Variants in RCOR3 observed in about 807,000 individuals in gnomAD.
RCOR3 encodes REST corepressor 3.
A neutral mutation model predicts 64.1 loss-of-function variants in RCOR3; 13 were observed. That is an observed-to-expected ratio of 0.20 (90% CI 0.13 to 0.32). The LOEUF (loss-of-function observed/expected upper bound fraction) is 0.32, where lower values mean the gene tolerates loss of function less well. RCOR3 is among the 10% of genes least tolerant of loss of function. RCOR3 has a pLI of 1.00. For missense variants in RCOR3, 489 were observed against 701.2 expected (o/e 0.70, Z 3.42); for synonymous variants, 215 against 239.0 (o/e 0.90, Z 0.93).
chr1:211,306,112 CTATA>C (rs547887523), intron 10 of RCOR3, among the ~76,000 whole-genome samples: 334 of 152,054 alleles, frequency 2.2e-3, no homozygotes, highest in African/African-American at 7.7e-3. Flanking sequence ...TAAAATAAAA[CTATA>C]TAAGGCTATT....
intron 7 of RCOR3, among the ~76,000 whole-genome samples, chr1:211,284,064 A>T (rs535110053): frequency 3.2e-4 from 48 of 150,754 alleles, no homozygotes; most frequent in African/African-American, 6.6e-4. Flanking sequence ...TTATTTATTT[A>T]TTTTTTTGAG....
At chr1:211,272,656 C>G (rs1696390522) in intron 3 of RCOR3, among the ~76,000 whole-genome samples, 1 of 105,086 alleles carries the variant, frequency 9.5e-6, no homozygotes, top group Non-Finnish European at 1.8e-5. Flanking sequence ...GAGTCTCGCT[C>G]TGTCGCCCAG....
chr1:211,270,857 CTT>C (rs1420971089), intron 2 of RCOR3, among the ~76,000 whole-genome samples: 9 of 141,978 alleles, frequency 6.3e-5, no homozygotes, highest in Non-Finnish European at 7.7e-5. Context: ...ATAAAGCTTA[CTT>C]TTTTTTTTTT....
intron 9 of RCOR3, chr1:211,302,824 T>A (rs2102638373): frequency 6.6e-6 from 1 of 152,336 alleles, no homozygotes; most frequent in Non-Finnish European, 1.5e-5. Flanking sequence ...AGTGTAAAGT[T>A]AGGGTCTCAA....
At chr1:211,264,205 C>T (rs1694828065) in intron 2 of RCOR3, among the ~76,000 whole-genome samples, 1 of 152,138 alleles carries the variant, frequency 6.6e-6, no homozygotes. Flanking sequence ...TTTCCTAAGC[C>T]ACTCAATCCA....
At chr1:211,287,563 C>T (rs755524546) in intron 7 of RCOR3, among the ~76,000 whole-genome samples, 21 of 152,118 alleles carry the variant, frequency 1.4e-4, no homozygotes, top group Non-Finnish European at 2.6e-4. Flanking sequence ...GAGGTAGCTT[C>T]GAGCAATTAA....
Position 211,292,531 on chromosome 1 carries a change from TC to T in RCOR3, c.939+3137del, listed in dbSNP as rs749345596. Among the ~76,000 whole-genome samples, 256 of 152,326 alleles carry T rather than the reference TC, an allele frequency of 1.7e-3. 1 individual carries two copies. The highest frequency in any genetic ancestry group is 3.1e-3 in the Non-Finnish European group (213 of 68,028). ...TTAGAAGGCACTTTAAGCTTTAACT[TC>T]CTAACTTGGTTATTCATTTGATGTG... On this transcript the variant is annotated intron_variant, in intron 8 of 11. Coordinates refer to ENST00000419091, the MANE Select transcript of RCOR3 (RefSeq NM_001136223.3).
intron 7 of RCOR3, among the ~76,000 whole-genome samples, chr1:211,280,583 C>G (rs1257134661): frequency 6.6e-6 from 1 of 152,192 alleles, no homozygotes; most frequent in African/African-American, 2.4e-5. Context: ...TTGTGTGATC[C>G]TATCCATCCC....
chr1:211,260,507 G>T (rs1212228718), intron 2 of RCOR3, among the ~76,000 whole-genome samples: 1 of 152,236 alleles, frequency 6.6e-6, no homozygotes, highest in African/African-American at 2.4e-5. Context: ...CAGGCGTGCG[G>T]ACTGTATGGA....
chr1:211,309,889 T>C (rs1198215946), intron 10 of RCOR3, among the ~76,000 whole-genome samples: 3 of 152,108 alleles, frequency 2.0e-5, no homozygotes, highest in Non-Finnish European at 2.9e-5. Flanking sequence ...ATTGAGTCAG[T>C]TGGGGTTTCA....
chr1:211,272,457 T>C (rs943905875), intron 3 of RCOR3, among the ~76,000 whole-genome samples: 1 of 152,062 alleles, frequency 6.6e-6, no homozygotes, highest in African/African-American at 2.4e-5. Context: ...GTAGTGTTCA[T>C]GCGGAATATT....
At chr1:211,262,327 G>T (rs1360405885) in intron 2 of RCOR3, among the ~76,000 whole-genome samples, 2 of 151,938 alleles carry the variant, frequency 1.3e-5, no homozygotes, top group African/African-American at 4.8e-5. Context: ...GAGCCATCGC[G>T]CCCAGCCTAT....
intron 1 of RCOR3, 54 bp downstream of exon 1, chr1:211,259,780 CT>C: frequency 7.4e-7 from 1 of 1,356,034 alleles, no homozygotes; most frequent in Non-Finnish European, 9.7e-7. Context: ...CCCTCTTCCC[CT>C]CCCCCAGCCC....
rs1278526020 is a variant in RCOR3, at chr1:211,262,254, TCTCGAACTCCTGACCTCGTGATCTGCTGC to T, written c.223+2096_223+2124del. On this transcript the variant is annotated intron_variant, in intron 2 of 11. Coordinates refer to ENST00000419091, the MANE Select transcript of RCOR3 (RefSeq NM_001136223.3). The stretch of plus-strand genomic sequence containing the variant: ...GGTTTCACTGTGTTGGCCAGGCTGC[TCTCGAACTCCTGACCTCGTGATCTGCTGC>T]CTCGACCTCCCAAAGTGTTGGGATT... 3.3e-5 allele frequency among the ~76,000 whole-genome samples: 5 copies of T among 151,744 alleles called. No homozygotes were observed. In the East Asian group the frequency reaches 9.7e-4, roughly 30 times the overall value.
chr1:211,265,275 C>T (rs2102432944), intron 2 of RCOR3, among the ~76,000 whole-genome samples: 1 of 152,100 alleles, frequency 6.6e-6, no homozygotes, highest in African/African-American at 2.4e-5. Context: ...AATATAAATA[C>T]TACAGTGATG....
At chr1:211,299,349 G>T (rs953282672) in intron 9 of RCOR3, among the ~76,000 whole-genome samples, 1 of 152,160 alleles carries the variant, frequency 6.6e-6, no homozygotes, top group Non-Finnish European at 1.5e-5. Context: ...CATGTCTTCT[G>T]CTTTGATTTG....
At chr1:211,281,190 T>C (rs1021264897) in intron 7 of RCOR3, among the ~76,000 whole-genome samples, 1 of 152,176 alleles carries the variant, frequency 6.6e-6, no homozygotes, top group Non-Finnish European at 1.5e-5. Flanking sequence ...ATCAAATTAC[T>C]GACTGCTCCC....
intron 5 of RCOR3, 81 bp downstream of exon 5, chr1:211,276,499 A>G: frequency 8.3e-6 from 10 of 1,202,788 alleles, no homozygotes; most frequent in Non-Finnish European, 1.2e-5. Flanking sequence ...ATTATTAAAT[A>G]CAAAAACATT....
chr1:211,272,997 A>G (rs1696453900), intron 3 of RCOR3, among the ~76,000 whole-genome samples: 1 of 152,080 alleles, frequency 6.6e-6, no homozygotes. Context: ...GTCAGTTGGT[A>G]TTGTTCAGCA....
Sources: gnomAD v4.1 joint callset for allele counts (sites outside exome capture counted in the v4.1 genomes callset) on GRCh38, gnomAD v4.1.1 for gene constraint, MANE v1.5 for transcripts, NCBI Gene and HGNC (gene_info 2026-07-23, HGNC 2026-07-21) for gene names.